Variants in SARNP observed in about 807,000 individuals in gnomAD.
SARNP encodes the protein SAP domain-containing ribonucleoprotein.
In SARNP, 5 loss-of-function variants were observed where a neutral mutation model predicts 38.1. The ratio of observed to expected loss-of-function variants is 0.13; its 90% confidence interval spans 0.07 to 0.28. The LOEUF (loss-of-function observed/expected upper bound fraction) is 0.28, where lower values mean the gene tolerates loss of function less well. Among genes scored for constraint, SARNP ranks in the 10% least tolerant of loss-of-function variants. The pLI, the probability that SARNP is intolerant of heterozygous loss-of-function variation, is 1.00. For missense variants in SARNP, 180 were observed against 243.9 expected (o/e 0.74, Z 1.75); for synonymous variants, 84 against 80.6 (o/e 1.04, Z -0.23).
chr12:55,753,193 TGATCCAGCTAGTATGGAA>T, downstream of SARNP: 1 of 152,318 alleles, frequency 6.6e-6, no homozygotes, highest in South Asian at 2.1e-4. Context: ...TCTCTTGAGA[TGATCCAGCTAGTATGGAA>T]GATCTAAAGG....
In SARNP at chr12:55,778,813, T is replaced by A. The variant is rs188611804; in HGVS notation, c.501+10262A>T. Among the ~76,000 whole-genome samples the A allele has an allele frequency of 3.3e-3, 509 of 152,126 alleles. 5 individuals are homozygous for A. The highest frequency in any genetic ancestry group is 0.012 in the African/African-American group (492 of 41,516). ...GGTGAAACTCTGTCTCTACTAAAGATACAAAAAATTAGCCGGGCATGGTGG... is the reference window on the plus strand; with the variant it reads ...GGTGAAACTCTGTCTCTACTAAAGAAACAAAAAATTAGCCGGGCATGGTGG... On this transcript the variant is annotated intron_variant, in intron 9 of 10. Coordinates refer to ENST00000336133, the MANE Select transcript of SARNP (RefSeq NM_033082.4).
At chr12:55,785,494 T>A (rs75532153) in intron 9 of SARNP, among the ~76,000 whole-genome samples, 1 of 151,964 alleles carries the variant, frequency 6.6e-6, no homozygotes, top group Admixed American at 6.6e-5. Context: ...TTTTTTTTTT[T>A]AAGACAGAGT....
intron 4 of SARNP, among the ~76,000 whole-genome samples, chr12:55,799,853 C>G (rs950840633): frequency 4.2e-4 from 63 of 150,850 alleles, no homozygotes; most frequent in Admixed American, 1.1e-3. Context: ...TGCCTGGCCT[C>G]AGTTTTACAC....
intron 4 of SARNP, among the ~76,000 whole-genome samples, chr12:55,798,153 G>C (rs1173369398): frequency 2.6e-5 from 4 of 152,064 alleles, no homozygotes; most frequent in African/African-American, 9.7e-5. Context: ...TCTTATGATG[G>C]AAAGATAACT....
At chr12:55,817,185 G>A (rs185114962) in intron 1 of SARNP, among the ~76,000 whole-genome samples, 25 of 152,212 alleles carry the variant, frequency 1.6e-4, no homozygotes, top group Admixed American at 5.2e-4. Context: ...AAAGGGGAGT[G>A]GAAGTATTTT....
downstream of SARNP, chr12:55,756,313 T>C (rs759836408): frequency 1.2e-4 from 18 of 152,248 alleles, no homozygotes; most frequent in African/African-American, 1.7e-4. Flanking sequence ...CAGCAGTTTT[T>C]GGATCTGCTC....
At chr12:55,775,967 T>C (rs756390865) in intron 9 of SARNP, among the ~76,000 whole-genome samples, 2 of 152,102 alleles carry the variant, frequency 1.3e-5, no homozygotes, top group African/African-American at 4.8e-5. Flanking sequence ...AAATTTCCTA[T>C]CAAAAAAATT....
At chr12:55,773,174 C>T (rs1288561067) in intron 9 of SARNP, among the ~76,000 whole-genome samples, 1 of 152,148 alleles carries the variant, frequency 6.6e-6, no homozygotes, top group African/African-American at 2.4e-5. Context: ...CAGGCCACAA[C>T]CCAACCTAAT....
chr12:55,800,537 C>CA, intron 4 of SARNP, 25 bp downstream of exon 4: 2 of 1,493,166 alleles, frequency 1.3e-6, no homozygotes, highest in East Asian at 2.3e-5. Context: ...GCTCTGTACT[C>CA]AGATTATAAA....
In SARNP at chr12:55,780,705, C is replaced by T. The variant is rs812230; in HGVS notation, c.501+8370G>A. Among the ~76,000 whole-genome samples, 875 of 152,152 alleles carry T rather than the reference C, an allele frequency of 5.8e-3. 9 individuals carry two copies. The highest frequency in any genetic ancestry group is 0.02 in the African/African-American group (830 of 41,512). ...AAATTATAACAATATGCCAGCATCA[C>T]TACTCTTGTGCATTAGGGCCAATAT... On this transcript the variant is annotated intron_variant, in intron 9 of 10. Coordinates refer to ENST00000336133, the MANE Select transcript of SARNP (RefSeq NM_033082.4).
intron 7 of SARNP, among the ~76,000 whole-genome samples, chr12:55,791,556 G>A (rs1010945218): frequency 1.4e-4 from 22 of 152,114 alleles, no homozygotes; most frequent in South Asian, 6.2e-4. Context: ...TCAGCCAGGC[G>A]TGGTGGCGTA....
chr12:55,790,588 C>A lies in SARNP; in HGVS notation c.411G>T (p.Leu137=). 6.5e-7 allele frequency: 1 copy of A among 1,540,616 alleles called. No individual in the cohort carries two copies. Among genetic ancestry groups the A allele is most frequent in the Non-Finnish European group, 8.8e-7 (1 of 1,142,648 alleles). The change falls in exon 8 of 11, where the codon CTG becomes CTT. Residue 137 remains leucine, a synonymous_variant. Coordinates refer to ENST00000336133, the MANE Select transcript of SARNP (RefSeq NM_033082.4). ...FGISSVPTKG[L]SSDNKPMVNL... is the part of the protein sequence containing the mutation. ...TTACCATAGGTTTGTTATCAGATGA[C>A]AGACCTAAGGAAGTAAATAAAGTTT... is the stretch of plus-strand genomic sequence containing the variant.
intron 10 of SARNP, 100 bp downstream of exon 10, chr12:55,760,451 A>G: frequency 1.4e-6 from 1 of 727,494 alleles, no homozygotes; most frequent in East Asian, 2.7e-5. Flanking sequence ...TAAGTAAATA[A>G]ATAAATAAAT....
chr12:55,777,647 T>C (rs1371431111), intron 9 of SARNP, among the ~76,000 whole-genome samples: 2 of 152,198 alleles, frequency 1.3e-5, no homozygotes, highest in African/African-American at 4.8e-5. Flanking sequence ...GTGCTGGTAT[T>C]ACAGGTGTGA....
At chr12:55,795,771 G>C (rs1259479817) in intron 5 of SARNP, among the ~76,000 whole-genome samples, 1 of 152,092 alleles carries the variant, frequency 6.6e-6, no homozygotes, top group East Asian at 1.9e-4. Flanking sequence ...TCCTAGGTTT[G>C]AAAACATCTC....
intron 9 of SARNP, among the ~76,000 whole-genome samples, chr12:55,784,066 G>A (rs892977664): frequency 4.8e-4 from 73 of 152,094 alleles, no homozygotes; most frequent in African/African-American, 1.5e-3. Context: ...AGCACGCAGG[G>A]TCGTAAGTTG....
chr12:55,800,046 C>T (rs1039187236), intron 4 of SARNP, among the ~76,000 whole-genome samples: 12 of 151,654 alleles, frequency 7.9e-5, no homozygotes, highest in Non-Finnish European at 1.5e-4. Context: ...AAAAATCAGT[C>T]GGGCAGTAGT....
At position 55,803,744 on chromosome 12, in the gene SARNP, T is replaced by C; in HGVS notation, c.37-16A>G. The C allele has an allele frequency of 6.3e-7, 1 of 1,593,512 alleles. No individual in the cohort carries two copies. The highest frequency in any genetic ancestry group is 8.6e-7 in the Non-Finnish European group (1 of 1,162,746). On this transcript the variant is annotated splice_polypyrimidine_tract_variant and intron_variant, in intron 1 of 10. Coordinates refer to ENST00000336133, the MANE Select transcript of SARNP (RefSeq NM_033082.4). ...GTTCGGCAAGCTGAGGGGAAAAAAATAAAACTTTTCCTTAGTTAACAGGAT... is the reference window on the plus strand; with the variant it reads ...GTTCGGCAAGCTGAGGGGAAAAAAACAAAACTTTTCCTTAGTTAACAGGAT...
chr12:55,792,535 C>CTTTTTTTTTTTTTTTT (rs71074859), intron 7 of SARNP: 1 of 103,196 alleles, frequency 9.7e-6, no homozygotes, highest in Non-Finnish European at 1.9e-5. Flanking sequence ...CCACACCCAG[C>CTTTTTTTTTTTTTTTT]TTTTTTTTTT....
Sources: allele counts gnomAD v4.1 joint callset (sites outside exome capture counted in the v4.1 genomes callset), GRCh38; gene constraint gnomAD v4.1.1; transcripts MANE v1.5; gene names NCBI Gene and HGNC (gene_info 2026-07-23, HGNC 2026-07-21).